SYT9: variants seen among roughly 807,000 people sequenced by gnomAD.
SYT9 encodes the protein synaptotagmin 9.
In SYT9, 22 loss-of-function variants were observed where a neutral mutation model predicts 48.4. That is an observed-to-expected ratio of 0.45 (90% CI 0.32 to 0.65). The LOEUF is 0.65. SYT9 is among the 30% of genes least tolerant of loss of function. SYT9 has a pLI of 0.03. For synonymous variants in SYT9, 265 were observed against 245.0 expected (o/e 1.08, Z -0.76); for missense variants, 577 against 622.0 (o/e 0.93, Z 0.77).
At chr11:7,394,111 C>G (rs28454260) in intron 3 of SYT9, among the ~76,000 whole-genome samples, 1 of 151,850 alleles carries the variant, frequency 6.6e-6, no homozygotes, top group Admixed American at 6.6e-5. Context: ...TCCCTCCCCC[C>G]TTCCCCCACC....
chr11:7,352,219 T>C (rs77751790), intron 3 of SYT9, among the ~76,000 whole-genome samples: 3,784 of 152,298 alleles, frequency 0.025, 116 homozygotes, highest in African/African-American at 0.067. Flanking sequence ...AAGTAGGCGT[T>C]TTCCTTCTTG....
intron 3 of SYT9, among the ~76,000 whole-genome samples, chr11:7,391,710 G>A (rs1443135913): frequency 8.9e-6 from 1 of 112,256 alleles, no homozygotes; most frequent in Non-Finnish European, 1.7e-5. Context: ...AGACCAGCAT[G>A]GACAACATGG....
At chr11:7,402,490 G>C (rs560671948) in intron 3 of SYT9, among the ~76,000 whole-genome samples, 2 of 152,026 alleles carry the variant, frequency 1.3e-5, no homozygotes, top group African/African-American at 4.8e-5. Flanking sequence ...TATCAGATTT[G>C]TTTAGTGTAT....
chr11:7,449,823 C>G (rs535476584), intron 6 of SYT9, among the ~76,000 whole-genome samples: 2 of 152,100 alleles, frequency 1.3e-5, no homozygotes, highest in Non-Finnish European at 2.9e-5. Flanking sequence ...CCTCATGTAC[C>G]CATTTATTCG....
chr11:7,439,243 A>T (rs1168922498), intron 6 of SYT9: 1 of 152,234 alleles, frequency 6.6e-6, no homozygotes, highest in Non-Finnish European at 1.5e-5. Context: ...GAAGGAAGTC[A>T]CTCTATCTGC....
chr11:7,329,223 T>G (rs1048966020), intron 3 of SYT9, among the ~76,000 whole-genome samples: 5 of 152,174 alleles, frequency 3.3e-5, no homozygotes, highest in African/African-American at 1.2e-4. Context: ...TTGTTTATTC[T>G]TTTTCCTATT....
chr11:7,397,807 A>G (rs1846785958), intron 3 of SYT9, among the ~76,000 whole-genome samples: 2 of 152,158 alleles, frequency 1.3e-5, no homozygotes, highest in Admixed American at 1.3e-4. Flanking sequence ...TTTCATTGCT[A>G]ATATATAAAA....
chr11:7,393,629 C>A lies in SYT9; in HGVS notation c.1045-22413C>A, dbSNP rs1846683175. 2.0e-5 allele frequency among the ~76,000 whole-genome samples: 3 copies of A among 151,884 alleles called. No individual in the cohort carries two copies. The South Asian group carries it at 6.2e-4, about 32-fold the overall frequency. ...GATACTGGTTTTCTAGAATGAGCCT[C>A]CTTCTCAATTTTTGGAATAGTTTCT... is the stretch of plus-strand genomic sequence containing the variant. On this transcript the variant is annotated intron_variant, in intron 3 of 6. Coordinates refer to ENST00000318881, the MANE Select transcript of SYT9 (RefSeq NM_175733.4).
chr11:7,283,397 A>G (rs1238067934), intron 1 of SYT9, among the ~76,000 whole-genome samples: 1 of 152,066 alleles, frequency 6.6e-6, no homozygotes, highest in Non-Finnish European at 1.5e-5. Flanking sequence ...TGCTCCACAA[A>G]TATTTTTAAT....
At chr11:7,341,375 G>C (rs1310578362) in intron 3 of SYT9, among the ~76,000 whole-genome samples, 1 of 152,194 alleles carries the variant, frequency 6.6e-6, no homozygotes. Flanking sequence ...GTTGTGGGAG[G>C]AACCTGGTGG....
At chr11:7,302,471 G>A (rs972478085) in intron 1 of SYT9, among the ~76,000 whole-genome samples, 12 of 152,228 alleles carry the variant, frequency 7.9e-5, no homozygotes, top group Non-Finnish European at 1.5e-4. Context: ...TTATCACTGA[G>A]TGGGGGTTGT....
At chr11:7,253,570 A>C (rs531766209) in intron 1 of SYT9, among the ~76,000 whole-genome samples, 1 of 112,216 alleles carries the variant, frequency 8.9e-6, no homozygotes, top group South Asian at 2.8e-4. Flanking sequence ...GATTTTCCCT[A>C]CCAGAGGCTT....
intron 3 of SYT9, among the ~76,000 whole-genome samples, chr11:7,387,097 A>G (rs1423219971): frequency 6.6e-6 from 1 of 152,212 alleles, no homozygotes; most frequent in African/African-American, 2.4e-5. Flanking sequence ...GAATTGAACA[A>G]TGAGAACACA....
At chr11:7,291,997 G>A (rs1261342673) in intron 1 of SYT9, among the ~76,000 whole-genome samples, 2 of 152,182 alleles carry the variant, frequency 1.3e-5, no homozygotes, top group African/African-American at 2.4e-5. Context: ...AAGACTGAGT[G>A]TGGCTTTCCA....
rs553282530 is a variant in SYT9, at chr11:7,448,102, C to T, written c.1468-18690C>T. On this transcript the variant is annotated intron_variant, in intron 6 of 6. Coordinates refer to ENST00000318881, the MANE Select transcript of SYT9 (RefSeq NM_175733.4). ...CTCTCTGTAGGGGCTTTAAGCAAAG[C>T]CTTGACAGTCTGCAAGGAGAGAATA... 7.9e-5 allele frequency among the ~76,000 whole-genome samples: 12 copies of T among 152,358 alleles called. No homozygotes were observed. The East Asian group carries it at 1.9e-3, about 24-fold the overall frequency.
rs530393312 is a variant in SYT9 at position 7,381,071 on chromosome 11, G to A, written c.1045-34971G>A. Reference sequence around the variant, plus strand: ...TAATACTTAGGTTGTTGAATCATTCGTGGCATGCTTTAGCTATGGTTGTCA... The same window carrying A: ...TAATACTTAGGTTGTTGAATCATTCATGGCATGCTTTAGCTATGGTTGTCA... On this transcript the variant is annotated intron_variant, in intron 3 of 6. Coordinates refer to ENST00000318881, the MANE Select transcript of SYT9 (RefSeq NM_175733.4). Among the ~76,000 whole-genome samples, 18 of 152,144 alleles carry A rather than the reference G, an allele frequency of 1.2e-4. No homozygotes were observed. The South Asian group carries it at 1.2e-3, about 11-fold the overall frequency.
intron 6 of SYT9, among the ~76,000 whole-genome samples, chr11:7,444,960 G>T (rs1310490796): frequency 2.6e-5 from 4 of 152,334 alleles, no homozygotes; most frequent in African/African-American, 9.6e-5. Context: ...AAGTCAGGAT[G>T]GGGTCTTTTC....
intron 3 of SYT9, among the ~76,000 whole-genome samples, chr11:7,387,057 C>A (rs1050673249): frequency 1.3e-5 from 2 of 152,082 alleles, no homozygotes; most frequent in African/African-American, 4.8e-5. Flanking sequence ...GACAAAAAAC[C>A]AAACACTGCG....
At chr11:7,302,886 A>G (rs1275677092) in intron 1 of SYT9, among the ~76,000 whole-genome samples, 153 bp from the exon 2 acceptor site, 1 of 152,186 alleles carries the variant, frequency 6.6e-6, no homozygotes, top group African/African-American at 2.4e-5. Context: ...TCACCGTCCC[A>G]GAATTAAGTA....
Sources: allele counts gnomAD v4.1 joint callset (sites outside exome capture counted in the v4.1 genomes callset), GRCh38; gene constraint gnomAD v4.1.1; transcripts MANE v1.5; gene names NCBI Gene and HGNC (gene_info 2026-07-23, HGNC 2026-07-21).